SLC8A3: variants seen among roughly 807,000 people sequenced by gnomAD.
SLC8A3 encodes solute carrier family 8 member A3.
In SLC8A3, 37 loss-of-function variants were observed where a neutral mutation model predicts 65.4. The observed-to-expected ratio is 0.57, with a 90% CI of 0.44 to 0.74. The LOEUF is 0.74. SLC8A3 is among the 30% of genes least tolerant of loss of function. The pLI, the probability that SLC8A3 is intolerant of heterozygous loss-of-function variation, is 0.00. For synonymous variants in SLC8A3, 461 were observed against 444.5 expected (o/e 1.04, Z -0.47); for missense variants, 1,112 against 1,172.1 (o/e 0.95, Z 0.75).
At chr14:70,161,126 T>TATATATATAAATATAAATATATATGTATA in intron 2 of SLC8A3, among the ~76,000 whole-genome samples, 1 of 145,892 alleles carries the variant, frequency 6.9e-6, no homozygotes, top group Non-Finnish European at 1.5e-5. Context: ...TGGTGGTATA[T>TATATATATAAATATAAATATATATGTATA]ATATATATAA....
chr14:70,175,737 CT>C (rs537283424), intron 1 of SLC8A3, among the ~76,000 whole-genome samples: 28,975 of 126,096 alleles, frequency 0.23, 2,374 homozygotes, highest in African/African-American at 0.26. Context: ...TTTTTTTTTT[CT>C]TTTTTTTTTT....
Position 70,052,038 on chromosome 14 carries a change from A to G in SLC8A3, c.1965T>C (p.Gly655=), listed in dbSNP as rs767651597. 11 of 1,613,038 alleles carry G rather than the reference A, an allele frequency of 6.8e-6. No homozygotes were observed. The highest frequency in any genetic ancestry group is 9.3e-6 in the Non-Finnish European group (11 of 1,179,714). ...TGATGACTTCTAGTTTGGGGTGTTC[A>G]CCCAATACTGGCTTTCCCATCTCTG... ...RIAEMGKPVL[G]EHPKLEVIIE... The change falls in exon 4 of 7, where the codon GGT becomes GGC. Residue 655 remains glycine (G), a synonymous_variant. Coordinates refer to ENST00000356921, the MANE Select transcript of SLC8A3 (RefSeq NM_182932.3).
chr14:70,084,839 C>T (rs1232009960), intron 2 of SLC8A3, among the ~76,000 whole-genome samples: 1 of 152,056 alleles, frequency 6.6e-6, no homozygotes, highest in Non-Finnish European at 1.5e-5. Flanking sequence ...TTCTGTTTCC[C>T]AAATGGTACT....
At chr14:70,107,197 G>A (rs947876911) in intron 2 of SLC8A3, among the ~76,000 whole-genome samples, 3 of 152,096 alleles carry the variant, frequency 2.0e-5, no homozygotes, top group Non-Finnish European at 4.4e-5. Flanking sequence ...CCACACCCTG[G>A]TGACTGAGAA....
At chr14:70,102,040 T>A (rs1319400115) in intron 2 of SLC8A3, among the ~76,000 whole-genome samples, 1 of 152,170 alleles carries the variant, frequency 6.6e-6, no homozygotes, top group Non-Finnish European at 1.5e-5. Context: ...TTCCTGCAAG[T>A]CTTTGGCTGA....
chr14:70,147,721 C>T (rs1896021199), intron 2 of SLC8A3, among the ~76,000 whole-genome samples: 1 of 152,190 alleles, frequency 6.6e-6, no homozygotes, highest in Admixed American at 6.5e-5. Context: ...CAACAACCAC[C>T]TGACCTTGGA....
intron 1 of SLC8A3, among the ~76,000 whole-genome samples, chr14:70,175,109 A>G (rs557584497): frequency 6.6e-6 from 1 of 152,286 alleles, no homozygotes; most frequent in East Asian, 1.9e-4. Context: ...ACTACAGAAG[A>G]AGAGAAAAGA....
chr14:70,137,008 A>G (rs892163651), intron 2 of SLC8A3, among the ~76,000 whole-genome samples: 11 of 152,248 alleles, frequency 7.2e-5, no homozygotes, highest in African/African-American at 1.7e-4. Context: ...TATGAAGTAT[A>G]GAAGGGCTAA....
intron 1 of SLC8A3, among the ~76,000 whole-genome samples, chr14:70,184,598 A>G (rs1273587348): frequency 6.6e-6 from 1 of 152,006 alleles, no homozygotes; most frequent in African/African-American, 2.4e-5. Flanking sequence ...AGCTGTCCCT[A>G]CAAGTCCTCA....
chr14:70,075,575 C>A (rs1335579642), intron 2 of SLC8A3, among the ~76,000 whole-genome samples: 1 of 152,074 alleles, frequency 6.6e-6, no homozygotes, highest in Non-Finnish European at 1.5e-5. Context: ...GCGTGGTCCC[C>A]CTCTGCTTGG....
At chr14:70,083,365 T>G (rs545628265) in intron 2 of SLC8A3, among the ~76,000 whole-genome samples, 1 of 152,236 alleles carries the variant, frequency 6.6e-6, no homozygotes, top group Admixed American at 6.5e-5. Flanking sequence ...ACTGCTGAAA[T>G]GAAATTATGG....
intron 3 of SLC8A3, chr14:70,055,708 T>C (rs1160975558): frequency 7.2e-6 from 8 of 1,103,474 alleles, no homozygotes; most frequent in African/African-American, 4.8e-5. Context: ...GCAGTTCTTA[T>C]TCAATAAATC....
intron 2 of SLC8A3, among the ~76,000 whole-genome samples, chr14:70,082,572 C>G (rs1276415976): frequency 1.3e-5 from 2 of 152,158 alleles, no homozygotes; most frequent in African/African-American, 2.4e-5. Flanking sequence ...GTCTGCAAGC[C>G]CTCTTCCTCT....
At chr14:70,182,346 T>G (rs66672884) in intron 1 of SLC8A3, among the ~76,000 whole-genome samples, 37,234 of 152,052 alleles carry the variant, frequency 0.24, 5,810 homozygotes, top group East Asian at 0.59. Context: ...CTCTGGGAAC[T>G]ATCCACACTG....
chr14:70,115,286 C>T lies in SLC8A3; in HGVS notation c.1784+51353G>A, dbSNP rs10149035. Among the ~76,000 whole-genome samples the T allele has an allele frequency of 1.0e-2, 1,517 of 152,244 alleles. 19 individuals carry two copies. Among genetic ancestry groups the T allele is most frequent in the African/African-American group, 0.034 (1,417 of 41,526 alleles). ...TCATCTTTTCTTCCCCACTTCTCTT[C>T]CCTCAGAATTTGAGGAAGGAGCCCC... On this transcript the variant is annotated intron_variant, in intron 2 of 6. Coordinates refer to ENST00000356921, the MANE Select transcript of SLC8A3 (RefSeq NM_182932.3).
At chr14:70,059,459 C>T (rs888124370) in intron 3 of SLC8A3, 15 of 152,180 alleles carry the variant, frequency 9.9e-5, no homozygotes, top group Non-Finnish European at 1.3e-4. Context: ...GGAGTGTGAA[C>T]GTCCTCTTGT....
intron 2 of SLC8A3, among the ~76,000 whole-genome samples, chr14:70,077,891 A>T (rs1890680962): frequency 6.6e-6 from 1 of 152,034 alleles, no homozygotes; most frequent in African/African-American, 2.4e-5. Context: ...TCCGATTTCC[A>T]CTTTTCACCT....
chr14:70,176,391 A>C (rs1897911318), intron 1 of SLC8A3, among the ~76,000 whole-genome samples: 1 of 152,226 alleles, frequency 6.6e-6, no homozygotes, highest in South Asian at 2.1e-4. Flanking sequence ...AAATACAGAC[A>C]TCTAGATCCT....
chr14:70,178,505 T>G (rs906627380), intron 1 of SLC8A3, among the ~76,000 whole-genome samples: 1 of 152,164 alleles, frequency 6.6e-6, no homozygotes, highest in Non-Finnish European at 1.5e-5. Flanking sequence ...TCACACAGGA[T>G]AAAATGAACC....
Sources: gnomAD v4.1 joint callset for allele counts (sites outside exome capture counted in the v4.1 genomes callset) on GRCh38, gnomAD v4.1.1 for gene constraint, MANE v1.5 for transcripts, NCBI Gene and HGNC (gene_info 2026-07-23, HGNC 2026-07-21) for gene names.